The following ARHGAP22 variants were observed in gnomAD, a reference collection of about 807,000 sequenced individuals.
The protein encoded by ARHGAP22 is Rho GTPase activating protein 22.
ARHGAP22 carries 48 observed loss-of-function variants against 59.1 expected under a neutral mutation model. That is an observed-to-expected ratio of 0.81 (90% CI 0.64 to 1.03). The LOEUF (loss-of-function observed/expected upper bound fraction) is 1.03, where lower values mean the gene tolerates loss of function less well. Ranked by LOEUF, ARHGAP22 falls within the 50% of genes least tolerant of loss-of-function variation. ARHGAP22 has a pLI of 0.00. For synonymous variants in ARHGAP22, 445 were observed against 416.4 expected, an observed-to-expected ratio of 1.07 and a Z score of -0.84; for missense variants, 1,015 against 958.7, an observed-to-expected ratio of 1.06 and a Z score of -0.78.
chr10:48,492,833 C>T (rs911162953), intron 3 of ARHGAP22, among the ~76,000 whole-genome samples: 2 of 152,116 alleles, frequency 1.3e-5, no homozygotes, highest in Admixed American at 6.5e-5. Flanking sequence ...GATTACAGGC[C>T]ACTGCACTCA....
At chr10:48,612,445 A>T (rs913409266) in intron 1 of ARHGAP22, among the ~76,000 whole-genome samples, 1 of 152,192 alleles carries the variant, frequency 6.6e-6, no homozygotes, top group African/African-American at 2.4e-5. Context: ...TTTGAATCTC[A>T]TCTTGAGTGT....
At chr10:48,509,224 G>A (rs965550044) in intron 3 of ARHGAP22, among the ~76,000 whole-genome samples, 2 of 152,168 alleles carry the variant, frequency 1.3e-5, no homozygotes, top group Admixed American at 6.5e-5. Context: ...CTCAGCTGGC[G>A]AGCCTGGCGC....
At chr10:48,518,036 T>C (rs2134668055) in intron 3 of ARHGAP22, among the ~76,000 whole-genome samples, 1 of 152,282 alleles carries the variant, frequency 6.6e-6, no homozygotes, top group Middle Eastern at 3.4e-3. Context: ...CAAATTTCTC[T>C]GCTGGATGCT....
chr10:48,469,214 C>T (rs2048002009), intron 4 of ARHGAP22, among the ~76,000 whole-genome samples: 1 of 152,228 alleles, frequency 6.6e-6, no homozygotes, highest in Admixed American at 6.5e-5. Flanking sequence ...GGCCTGCAGG[C>T]ACCACCCATT....
chr10:48,490,468 C>T (rs1384507495), intron 3 of ARHGAP22, among the ~76,000 whole-genome samples: 1 of 152,170 alleles, frequency 6.6e-6, no homozygotes, highest in Non-Finnish European at 1.5e-5. Context: ...CCAAATGCCC[C>T]AGTTAAGAAA....
chr10:48,585,173 T>TAG (rs2059355360), intron 1 of ARHGAP22, among the ~76,000 whole-genome samples: 2 of 152,200 alleles, frequency 1.3e-5, no homozygotes, highest in Middle Eastern at 3.2e-3. Flanking sequence ...TGCTGGCTCC[T>TAG]TGCTTCTAGC....
At chr10:48,523,956 G>A (rs912842733) in intron 3 of ARHGAP22, 2 of 1,099,666 alleles carry the variant, frequency 1.8e-6, no homozygotes, top group Admixed American at 3.5e-5. Flanking sequence ...GGCAGGTGCG[G>A]GCGGCCCTGG....
chr10:48,444,909 C>A (rs2045289210), downstream of ARHGAP22: 1 of 152,278 alleles, frequency 6.6e-6, no homozygotes, highest in Admixed American at 6.5e-5. Context: ...TCCCATCACC[C>A]AGACGGCTGG....
At chr10:48,539,975 C>T (rs556095454) in intron 3 of ARHGAP22, among the ~76,000 whole-genome samples, 1 of 152,286 alleles carries the variant, frequency 6.6e-6, no homozygotes, top group Admixed American at 6.5e-5. Context: ...TTTGTCACGG[C>T]CATTTTTCAA....
chr10:48,652,124 T>G (rs1374850092), intron 1 of ARHGAP22: 1 of 1,032,680 alleles, frequency 9.7e-7, no homozygotes, highest in African/African-American at 1.6e-5. Context: ...AGATGCCGCC[T>G]GGTGCTCTCA....
chr10:48,529,880 C>G (rs1257582620), intron 3 of ARHGAP22, among the ~76,000 whole-genome samples: 1 of 152,172 alleles, frequency 6.6e-6, no homozygotes, highest in Non-Finnish European at 1.5e-5. Flanking sequence ...ACAAATGGTG[C>G]TGTGATAATT....
chr10:48,539,885 T>A (rs1185623577), intron 3 of ARHGAP22, among the ~76,000 whole-genome samples: 1 of 152,250 alleles, frequency 6.6e-6, no homozygotes, highest in African/African-American at 2.4e-5. Flanking sequence ...ATAAATTTTT[T>A]AATTTAAACT....
At chr10:48,455,912 C>G (rs1249997278) in intron 5 of ARHGAP22, among the ~76,000 whole-genome samples, 1 of 152,192 alleles carries the variant, frequency 6.6e-6, no homozygotes, top group Non-Finnish European at 1.5e-5. Flanking sequence ...CTTCTAAGCT[C>G]ATCACCCCCT....
chr10:48,530,538 C>G (rs2054740307), intron 3 of ARHGAP22, among the ~76,000 whole-genome samples: 1 of 152,130 alleles, frequency 6.6e-6, no homozygotes, highest in African/African-American at 2.4e-5. Flanking sequence ...GGACTAACAT[C>G]CAGAATCTAA....
rs185134846 is a variant in ARHGAP22, at chr10:48,459,830, C to T, written c.513G>A (p.Leu171=). The change falls in exon 5 of 10, where the codon CTG becomes CTA. Residue 171 remains leucine, a synonymous_variant. Coordinates refer to ENST00000249601, the MANE Select transcript of ARHGAP22 (RefSeq NM_021226.4). ...CACACTGCTCCACCAGCAGGGGCGC[C>T]AGGCGGGGGCCATACTTCCGCTCGT... ...VHHERKYGPR[L]APLLVEQCVD... The T allele has an allele frequency of 7.4e-6, 12 of 1,613,562 alleles. No individual in the cohort carries two copies. The African/African-American group carries it at 1.6e-4, about 21-fold the overall frequency.
intron 2 of ARHGAP22, among the ~76,000 whole-genome samples, chr10:48,557,196 T>G (rs570129925): frequency 6.6e-6 from 1 of 152,236 alleles, no homozygotes; most frequent in Admixed American, 6.5e-5. Context: ...GATGGAGAAA[T>G]GTGCTCATTA....
intron 1 of ARHGAP22, among the ~76,000 whole-genome samples, chr10:48,583,566 T>C (rs373898825): frequency 1.3e-5 from 2 of 152,370 alleles, no homozygotes; most frequent in East Asian, 3.9e-4. Flanking sequence ...ATTGATTTCT[T>C]ACTATGTGCA....
At chr10:48,606,236 T>G (rs1047550547), upstream of ARHGAP22, among the ~76,000 whole-genome samples, 1 of 152,102 alleles carries the variant, frequency 6.6e-6, no homozygotes, top group African/African-American at 2.4e-5. Context: ...CCTATTGGTA[T>G]GTAATCAACT....
the ARHGAP22 span, among the ~76,000 whole-genome samples, chr10:48,431,578 T>C: frequency 6.6e-6 from 1 of 152,172 alleles, no homozygotes; most frequent in Non-Finnish European, 1.5e-5. Flanking sequence ...ATACATACCT[T>C]TCTATGATCT....
Sources: allele counts gnomAD v4.1 joint callset (sites outside exome capture counted in the v4.1 genomes callset), GRCh38; gene constraint gnomAD v4.1.1; transcripts MANE v1.5; gene names NCBI Gene and HGNC (gene_info 2026-07-23, HGNC 2026-07-21).